Variants in NCAPD2 observed in about 807,000 individuals in gnomAD.
NCAPD2 encodes the protein non-SMC condensin I complex subunit D2.
NCAPD2 carries 100 observed loss-of-function variants against 164.5 expected under a neutral mutation model. The ratio of observed to expected loss-of-function variants is 0.61; its 90% confidence interval spans 0.52 to 0.72. The LOEUF (loss-of-function observed/expected upper bound fraction) is 0.72, where lower values mean the gene tolerates loss of function less well. Ranked by LOEUF, NCAPD2 falls within the 30% of genes least tolerant of loss-of-function variation. NCAPD2 has a pLI of 0.00. For synonymous variants in NCAPD2, 585 were observed against 642.6 expected (o/e 0.91, Z 1.36); for missense variants, 1,560 against 1,749.2 (o/e 0.89, Z 1.93).
At chr12:6,509,611 G>T in intron 2 of NCAPD2, 106 bp from the exon 3 acceptor site, 12 of 1,031,548 alleles carry the variant, frequency 1.2e-5, no homozygotes, top group Admixed American at 1.1e-4. Context: ...TCTCTTTTTT[G>T]TGATTCTACC....
In NCAPD2 at chr12:6,526,453, G is replaced by T; in HGVS notation, c.2572G>T (p.Val858Phe). 2 of 1,614,144 alleles carry T rather than the reference G, an allele frequency of 1.2e-6. No homozygotes were observed. Among genetic ancestry groups the T allele is most frequent in the Non-Finnish European group, 1.7e-6 (2 of 1,180,036 alleles). Residue 858 changes from valine to phenylalanine, a missense_variant, in exon 21 of 32, where the codon GTC becomes TTC. Physicochemically the swap from Val to Phe is conservative, Grantham distance 50. Coordinates refer to ENST00000315579, the MANE Select transcript of NCAPD2 (RefSeq NM_014865.4). ...TTCTCCCTCCTCCTCTGCAGGCTTT[G>T]TCCACCCAGACCCACTCTGGATCCC... is the stretch of plus-strand genomic sequence containing the variant. ...RLRETVTKGFVHPDPLWIPFK... is the reference protein window; with the variant it reads ...RLRETVTKGFFHPDPLWIPFK...
intron 6 of NCAPD2, among the ~76,000 whole-genome samples, chr12:6,512,113 CA>C (rs974708620): frequency 1.3e-5 from 2 of 149,504 alleles, no homozygotes; most frequent in South Asian, 2.1e-4. Context: ...ACTAAAAATA[CA>C]AAAAAAAATT....
chr12:6,494,514 T>G (rs1246859713), intron 1 of NCAPD2, among the ~76,000 whole-genome samples: 2 of 152,246 alleles, frequency 1.3e-5, no homozygotes, highest in African/African-American at 4.8e-5. Context: ...CTAACAGACT[T>G]GGCACAGGAT....
rs746261413 is a variant in NCAPD2, at chr12:6,526,477, C to A, written c.2596C>A (p.Pro866Thr). 3 of 1,614,170 alleles carry A rather than the reference C, an allele frequency of 1.9e-6. No homozygotes were observed. Among genetic ancestry groups the A allele is most frequent in the Non-Finnish European group, 1.7e-6 (2 of 1,180,030 alleles). Residue 866 changes from proline (P) to threonine (T), a missense_variant, in exon 21 of 32, where the codon CCA (proline) becomes ACA (threonine). Physicochemically the swap from Pro to Thr is conservative, Grantham distance 38. Transcript: ENST00000315579. ...GFVHPDPLWI[P>T]FKEVAVTLIY... The stretch of plus-strand genomic sequence containing the variant: ...TGTCCACCCAGACCCACTCTGGATC[C>A]CATTCAAAGAGGTGGCAGTGACCCT...
intron 6 of NCAPD2, among the ~76,000 whole-genome samples, chr12:6,513,014 A>G (rs1437965182): frequency 1.3e-5 from 2 of 152,130 alleles, no homozygotes; most frequent in African/African-American, 4.8e-5. Context: ...TGGGAGGAAG[A>G]TCAGATGTTC....
intron 2 of NCAPD2, among the ~76,000 whole-genome samples, chr12:6,498,662 C>T (rs1946005558): frequency 6.6e-6 from 1 of 151,850 alleles, no homozygotes. Context: ...GGCTGGAGTG[C>T]AGTGCTGTGA....
At chr12:6,496,082 G>A (rs1314812786) in intron 2 of NCAPD2, among the ~76,000 whole-genome samples, 5 of 140,726 alleles carry the variant, frequency 3.6e-5, no homozygotes, top group Admixed American at 7.5e-5. Flanking sequence ...TTTTGAGACA[G>A]GGTCTCACTC....
Position 6,518,510 on chromosome 12 carries a change from T to TTTTTTTTG in NCAPD2, c.1589+558_1589+559insGTTTTTTT, listed in dbSNP as rs1565544134. ...CCCTTACAGCCGTCAACAAGTTTTT[T>TTTTTTTTG]TTTTTTTTTTTTTTTTTTTTTTTTG... On this transcript the variant is annotated intron_variant, in intron 13 of 31. Coordinates refer to ENST00000315579, the MANE Select transcript of NCAPD2 (RefSeq NM_014865.4). 1.4e-4 allele frequency among the ~76,000 whole-genome samples: 7 copies of TTTTTTTTG among 50,296 alleles called. 1 individual carries two copies. The highest frequency in any genetic ancestry group is 4.2e-4 in the East Asian group (1 of 2,358). 33.0% of individuals were successfully genotyped at this position (50,296 alleles called of 152,430 possible).
chr12:6,501,380 G>T (rs191510175), intron 2 of NCAPD2, among the ~76,000 whole-genome samples: 1 of 151,948 alleles, frequency 6.6e-6, no homozygotes, highest in Admixed American at 6.6e-5. Context: ...TAGAGATGCG[G>T]TTTTGCCGTG....
At chr12:6,504,460 T>A (rs1257494933) in intron 2 of NCAPD2, among the ~76,000 whole-genome samples, 1 of 151,940 alleles carries the variant, frequency 6.6e-6, no homozygotes, top group African/African-American at 2.4e-5. Context: ...TGGCGCGATC[T>A]CGGCTCACTG....
chr12:6,522,173 ATTC>A (rs1946269631), intron 15 of NCAPD2, 136 bp downstream of exon 15: 1 of 962,682 alleles, frequency 1.0e-6, no homozygotes. Flanking sequence ...GGCTCAGGCA[ATTC>A]TTCTGCGTCA....
In NCAPD2 at chr12:6,527,985, G is replaced by A. The variant is rs2137060903; in HGVS notation, c.3037G>A (p.Ala1013Thr). ...TCCAACAGGCAAACAGACACTGGCT[G>A]CCTTTGTTCCACTCTTGCTTAAAGT... ...ELLDGKQTLAAFVPLLLKVCN... is the reference protein window; with the variant it reads ...ELLDGKQTLATFVPLLLKVCN... Residue 1013 changes from alanine (A) to threonine (T), a missense_variant, in exon 24 of 32, where the codon GCC becomes ACC. Transcript: ENST00000315579. The A allele has an allele frequency of 1.2e-6, 2 of 1,614,218 alleles. No homozygotes were observed. Among genetic ancestry groups the A allele is most frequent in the East Asian group, 4.5e-5 (2 of 44,890 alleles).
chr12:6,510,699 C>T lies in NCAPD2; in HGVS notation c.333C>T (p.Asn111=), dbSNP rs754881441. 20 of 1,614,016 alleles carry T rather than the reference C, an allele frequency of 1.2e-5. No individual in the cohort carries two copies. In the Admixed American group the frequency reaches 2.5e-4, roughly 20 times the overall value. The change falls in exon 5 of 32, where the codon AAC becomes AAT. Residue 111 remains asparagine (N), a synonymous_variant. Transcript: ENST00000315579. Reference sequence around the variant, plus strand: ...CAACTTTGAGTGGATCAGATAGAAACGCCCATCTAAATGCCCTCAAAATGA... The same window carrying T: ...CAACTTTGAGTGGATCAGATAGAAATGCCCATCTAAATGCCCTCAAAATGA... ...DDTTLSGSDR[N]AHLNALKMNC...
At chr12:6,496,157 C>CAAGCGATTCTCCT (rs901533521) in intron 2 of NCAPD2, among the ~76,000 whole-genome samples, 2 of 151,256 alleles carry the variant, frequency 1.3e-5, no homozygotes, top group African/African-American at 4.9e-5. Context: ...TCCCCAGGCT[C>CAAGCGATTCTCCT]AAGCGATTCT....
At position 6,517,672 on chromosome 12, in the gene NCAPD2, C is replaced by G; in HGVS notation, c.1397C>G (p.Thr466Ser). The change falls in exon 12 of 32, where the codon ACT becomes AGT. Residue 466 changes from threonine to serine, a missense_variant. Coordinates refer to ENST00000315579, the MANE Select transcript of NCAPD2 (RefSeq NM_014865.4). ...CAAGAGATGAGGGCCCAGAGGCGAA[C>G]TGCAGCAGCTTGTAAGTAGTTACTG... ...KLQEMRAQRR[T>S]AAASAVLDPE... The G allele has an allele frequency of 6.2e-7, 1 of 1,614,270 alleles. No individual in the cohort carries two copies. Among genetic ancestry groups the G allele is most frequent in the Non-Finnish European group, 8.5e-7 (1 of 1,180,056 alleles).
In NCAPD2 at chr12:6,509,508, C is replaced by T. The variant is rs145276850; in HGVS notation, c.128-209C>T. On this transcript the variant is annotated intron_variant, in intron 2 of 31. Coordinates refer to ENST00000315579, the MANE Select transcript of NCAPD2 (RefSeq NM_014865.4). The stretch of plus-strand genomic sequence containing the variant: ...AACTTCTGACCGCAGGTAATCCACC[C>T]GTCTCAGCCTCCCAAAGTGCTGGGA... Among the ~76,000 whole-genome samples the T allele has an allele frequency of 9.8e-4, 149 of 152,202 alleles. 1 individual carries two copies. The East Asian group carries it at 0.022, about 22-fold the overall frequency.
Position 6,529,086 on chromosome 12 carries a change from T to A in NCAPD2, c.3572+47T>A, listed in dbSNP as rs774027455. On this transcript the variant is annotated intron_variant, in intron 27 of 31. Coordinates refer to ENST00000315579, the MANE Select transcript of NCAPD2 (RefSeq NM_014865.4). Reference sequence around the variant, plus strand: ...GGCACATTTTCCACATAGCACGGGCTTAGGAATCAGACACACCTGTATTTG... The same window carrying A: ...GGCACATTTTCCACATAGCACGGGCATAGGAATCAGACACACCTGTATTTG... 16 of 1,534,090 alleles carry A rather than the reference T, an allele frequency of 1.0e-5. No individual in the cohort carries two copies. The African/African-American group carries it at 1.9e-4, about 18-fold the overall frequency.
chr12:6,522,347 G>T (rs1006745978), intron 15 of NCAPD2, among the ~76,000 whole-genome samples: 1 of 151,204 alleles, frequency 6.6e-6, no homozygotes, highest in African/African-American at 2.4e-5. Context: ...ACAAAACTGG[G>T]AGGCCAAAGC....
intron 6 of NCAPD2, among the ~76,000 whole-genome samples, chr12:6,513,162 C>T (rs999671338): frequency 6.6e-6 from 1 of 152,194 alleles, no homozygotes; most frequent in South Asian, 2.1e-4. Context: ...TATTCAGAGC[C>T]GTGAGACTGA....
Sources: allele counts gnomAD v4.1 joint callset (sites outside exome capture counted in the v4.1 genomes callset), GRCh38; gene constraint gnomAD v4.1.1; transcripts MANE v1.5; gene names NCBI Gene and HGNC (gene_info 2026-07-23, HGNC 2026-07-21).